FBF1: variants seen among roughly 807,000 people sequenced by gnomAD.
FBF1 encodes Fas binding factor 1.
A neutral mutation model predicts 147.2 loss-of-function variants in FBF1; 119 were observed. The observed-to-expected ratio is 0.81, with a 90% CI of 0.70 to 0.94. The LOEUF is 0.94. FBF1 is among the 40% of genes least tolerant of loss of function. The probability of loss-of-function intolerance (pLI) is 0.00; values close to 1 mark genes in which losing one functional copy is unlikely to be tolerated. For missense variants in FBF1, 1,449 were observed against 1,500.8 expected (o/e 0.97, Z 0.57); for synonymous variants, 601 against 609.0 (o/e 0.99, Z 0.19).
chr17:75,940,106 C>G (rs1414355053), intron 1 of FBF1, among the ~76,000 whole-genome samples: 1 of 152,004 alleles, frequency 6.6e-6, no homozygotes, highest in Non-Finnish European at 1.5e-5. Context: ...CCACCATGCC[C>G]GGTTAATTTT....
In FBF1 at chr17:75,913,916, G is replaced by C. The variant is rs779806594; in HGVS notation, c.3126C>G (p.His1042Gln). The C allele has an allele frequency of 5.7e-5, 88 of 1,546,542 alleles. 1 individual carries two copies. In the South Asian group the frequency reaches 9.8e-4, roughly 17 times the overall value. The change falls in exon 27 of 30, where the codon CAC becomes CAG. Residue 1042 changes from histidine to glutamine, a missense_variant. Transcript: ENST00000636174. ...CCATACACTCAGGGAGCCTTGCCTGGTGCATGTGCTGCTCCTGCTTCCGCA... is the reference window on the plus strand; with the variant it reads ...CCATACACTCAGGGAGCCTTGCCTGCTGCATGTGCTGCTCCTGCTTCCGCA... ...ERLRKQEQHM[H>Q]QEHLSLAQQR...
chr17:75,919,718 GGCC>G lies in FBF1; in HGVS notation c.2085_2087del (p.Ala696del), dbSNP rs759712576. 1.2e-6 allele frequency: 2 copies of G among 1,612,800 alleles called. No homozygotes were observed. The highest frequency in any genetic ancestry group is 1.1e-5 in the South Asian group (1 of 91,044). ...TTTCCTGGTCCTTCTCCTGCGCTAT[GGCC>G]GCCAAGCGCCGCTGGTGCTGGGCCG... On this transcript the variant is annotated inframe_deletion, in exon 20 of 30. Transcript: ENST00000636174. This position sits in a 1 kb window ranked among gnomAD's most constrained non-coding sequence, Gnocchi z 5.0.
rs1388642168 is a variant in FBF1, at chr17:75,932,983, C to T, written c.167+12G>A. 2 of 1,585,516 alleles carry T rather than the reference C, an allele frequency of 1.3e-6. No homozygotes were observed. The highest frequency in any genetic ancestry group is 1.7e-6 in the Non-Finnish European group (2 of 1,157,946). On this transcript the variant is annotated intron_variant, in intron 5 of 29. Transcript: ENST00000636174. ...AGTAGGTCATGGATACCCAGTCGGA[C>T]CCTGCCCTTACTTTGTTCTCGCCTT...
chr17:75,937,174 A>AT (rs879519217), intron 3 of FBF1, among the ~76,000 whole-genome samples: 3,171 of 143,984 alleles, frequency 0.022, 116 homozygotes, highest in African/African-American at 0.072. Flanking sequence ...GATCAAAAAC[A>AT]TTTTTTTTTT....
At position 75,910,543 on chromosome 17, in the gene FBF1, G is replaced by T; in HGVS notation, c.*180C>A. 1.7e-6 allele frequency: 1 copy of T among 599,466 alleles called. No individual in the cohort carries two copies. 37.1% of individuals were successfully genotyped at this position (599,466 alleles called of 1,614,324 possible). A position where few individuals can be genotyped will look rare whatever the true frequency, so the allele number is the denominator to read the frequency against. On this transcript the variant is annotated 3_prime_UTR_variant, in exon 30 of 30. Coordinates refer to ENST00000636174, the MANE Select transcript of FBF1 (RefSeq NM_001319193.2). The surrounding 1 kb of genome is among the most constrained non-coding windows in gnomAD (Gnocchi z 4.1). ...CTACACCACAGAGCCCCAGAGGCAG[G>T]GGCTGCCCCGGGCTGGCACATTTGG...
At position 75,920,060 on chromosome 17, in the gene FBF1, C is replaced by T. The variant is rs200468077; in HGVS notation, c.1878G>A (p.Gly626=). 5,595 of 1,600,108 alleles carry T rather than the reference C, an allele frequency of 3.5e-3. 25 individuals carry two copies. The highest frequency in any genetic ancestry group is 4.5e-3 in the Non-Finnish European group (5,255 of 1,173,930). The change falls in exon 19 of 30, where the codon GGG becomes GGA. Residue 626 remains glycine, a synonymous_variant. Transcript: ENST00000636174. ...CTGCCTGGTGCTGCTGCTGCAGACT[C>T]CCCAGCAGCAGCTCATGCTGGGCCC... ...LERAQHELLL[G]SLQQQHQADL... is the part of the protein sequence containing the mutation.
chr17:75,937,465 C>T lies in FBF1; in HGVS notation c.31+101G>A, dbSNP rs943693245. 3.9e-5 allele frequency: 55 copies of T among 1,423,416 alleles called. No individual in the cohort carries two copies. In the South Asian group the frequency reaches 4.9e-4, roughly 13 times the overall value. The allele number at this position is 1,423,416 out of a possible 1,614,324, so 88.2% of individuals were successfully genotyped here. On this transcript the variant is annotated intron_variant, in intron 3 of 29. Coordinates refer to ENST00000636174, the MANE Select transcript of FBF1 (RefSeq NM_001319193.2). ...GATTACAGGTGTGAGCCACCGTGCCCGGCCCAAAAACATTTAAATAAACAC... is the reference window on the plus strand; with the variant it reads ...GATTACAGGTGTGAGCCACCGTGCCTGGCCCAAAAACATTTAAATAAACAC...
At chr17:75,931,938 A>G (rs1441348818) in intron 5 of FBF1, among the ~76,000 whole-genome samples, 1 of 152,228 alleles carries the variant, frequency 6.6e-6, no homozygotes, top group African/African-American at 2.4e-5. Flanking sequence ...GATCTAGGCC[A>G]ATCCTTTAAT....
intron 1 of FBF1, among the ~76,000 whole-genome samples, chr17:75,940,233 G>A (rs1460781365): frequency 6.8e-6 from 1 of 148,054 alleles, no homozygotes; most frequent in African/African-American, 2.5e-5. Flanking sequence ...GAGCCACCAC[G>A]CCTGGCCTTC....
Position 75,913,774 on chromosome 17 carries a change from G to A in FBF1, c.3175C>T (p.Arg1059Ter), listed in dbSNP as rs1414757080. Residue 1059 changes from arginine (R) to a stop codon, truncating the protein, a stop_gained, in exon 28 of 30, where the codon CGA (arginine) becomes TGA (stop). Coordinates refer to ENST00000636174, the MANE Select transcript of FBF1 (RefSeq NM_001319193.2). LOFTEE classifies it high-confidence loss of function. Reference protein sequence around the residue: ...AQQRLQLDRARQDLPSSLVGL... With the variant: ...AQQRLQLDRA Reference sequence around the variant, plus strand: ...ACGAGGCTAGAGGGCAGGTCCTGTCGTGCGCGGTCCAGTTGCAGCCTCTGC... The same window carrying A: ...ACGAGGCTAGAGGGCAGGTCCTGTCATGCGCGGTCCAGTTGCAGCCTCTGC... 2 of 1,605,424 alleles carry A rather than the reference G, an allele frequency of 1.2e-6. No individual in the cohort carries two copies. The highest frequency in any genetic ancestry group is 1.7e-6 in the Non-Finnish European group (2 of 1,179,408).
rs1433077941 is a variant in FBF1 at position 75,918,322 on chromosome 17, G to A, written c.2139-53C>T. On this transcript the variant is annotated intron_variant, in intron 20 of 29. Coordinates refer to ENST00000636174, the MANE Select transcript of FBF1 (RefSeq NM_001319193.2). This position sits in a 1 kb window ranked among gnomAD's most constrained non-coding sequence, Gnocchi z 5.8. ...TCACTCTGAGCTGGATCACCCTGAT[G>A]CGGTAACTCCTTGTGGAAGGGTGTG... The A allele has an allele frequency of 1.4e-6, 2 of 1,460,582 alleles. No individual in the cohort carries two copies. The highest frequency in any genetic ancestry group is 2.8e-5 in the African/African-American group (2 of 71,836). 90.5% of individuals were successfully genotyped at this position (1,460,582 alleles called of 1,614,324 possible).
Position 75,923,474 on chromosome 17 carries a change from T to C in FBF1, c.1136A>G (p.His379Arg), listed in dbSNP as rs766649912. ...LFPASPTREA[H>R]RESSVPVTPS... is the part of the protein sequence containing the mutation. ...CGTGACAGGCACTGAACTTTCCCGA[T>C]GGGCCTCTCTGGTGGGTGAGGCAGG... Residue 379 changes from histidine to arginine, a missense_variant, in exon 14 of 30, where the codon CAT (histidine) becomes CGT (arginine). Physicochemically the swap from His to Arg is conservative, Grantham distance 29 (BLOSUM62 0). Transcript: ENST00000636174. The surrounding 1 kb of genome is among the most constrained non-coding windows in gnomAD (Gnocchi z 4.1). 4 of 1,608,636 alleles carry C rather than the reference T, an allele frequency of 2.5e-6. No individual in the cohort carries two copies. The highest frequency in any genetic ancestry group is 3.4e-5 in the Admixed American group (2 of 59,308).
At chr17:75,937,677 C>G in intron 2 of FBF1, 84 bp from the exon 3 acceptor site, 1 of 1,464,130 alleles carries the variant, frequency 6.8e-7, no homozygotes, top group South Asian at 1.1e-5. Flanking sequence ...AATTGCGTTG[C>G]CTTTTGCCAA....
At chr17:75,914,968 C>T (rs982955162) in intron 24 of FBF1, 36 bp from the exon 25 acceptor site, 2 of 1,611,782 alleles carry the variant, frequency 1.2e-6, no homozygotes, top group African/African-American at 2.7e-5. Flanking sequence ...GGTGAGTGTC[C>T]CTGGGCATAA....
intron 17 of FBF1, 117 bp downstream of exon 17, chr17:75,921,127 T>C (rs2065523450): frequency 1.9e-6 from 2 of 1,062,482 alleles, no homozygotes; most frequent in Admixed American, 2.2e-5. Flanking sequence ...ACGTCACATT[T>C]GGTATGTTTG....
chr17:75,917,835 A>G lies in FBF1; in HGVS notation c.2402T>C (p.Leu801Pro). The part of the protein sequence containing the change: ...DEQLRALQER[L>P]GQQQRDMEEE... ...CTCCATGTCCCGCTGCTGCTGGCCC[A>G]GCCGCTCCTGCAGTGCTGGGGGCAA... Residue 801 changes from leucine (L) to proline (P), a missense_variant, in exon 23 of 30, where the codon CTG becomes CCG. By Grantham distance (98) the Leu-to-Pro change is moderately conservative. Transcript: ENST00000636174. The G allele has an allele frequency of 6.2e-7, 1 of 1,606,748 alleles. No homozygotes were observed. Among genetic ancestry groups the G allele is most frequent in the African/African-American group, 1.3e-5 (1 of 74,868 alleles).
At chr17:75,937,627 CCAAA>C in intron 2 of FBF1, 34 bp from the exon 3 acceptor site, 1 of 1,613,240 alleles carries the variant, frequency 6.2e-7, no homozygotes, top group Non-Finnish European at 8.5e-7. Context: ...ATCAAGAAAA[CCAAA>C]CAGTGAACAC....
At chr17:75,924,475 T>C (rs568070534) in intron 13 of FBF1, among the ~76,000 whole-genome samples, 1 of 152,308 alleles carries the variant, frequency 6.6e-6, no homozygotes, top group African/African-American at 2.4e-5. Flanking sequence ...TTCTTACAAC[T>C]TCTGAAGTTT....
At position 75,926,815 on chromosome 17, in the gene FBF1, G is replaced by A. The variant is rs758587575; in HGVS notation, c.538C>T (p.Pro180Ser). ...YDEGGITKQP[P>S]VTQSKTASDK... Reference sequence around the variant, plus strand: ...GAAGCTGTTTTACTCTGTGTCACAGGCGGCTGCTTGGTGATTCCTCCTTCA... The same window carrying A: ...GAAGCTGTTTTACTCTGTGTCACAGACGGCTGCTTGGTGATTCCTCCTTCA... Residue 180 changes from proline to serine, a missense_variant, in exon 10 of 30, where the codon CCT becomes TCT. Physicochemically the swap from Pro to Ser is moderately conservative, Grantham distance 74. Coordinates refer to ENST00000636174, the MANE Select transcript of FBF1 (RefSeq NM_001319193.2). 3 of 1,613,900 alleles carry A rather than the reference G, an allele frequency of 1.9e-6. No homozygotes were observed. The highest frequency in any genetic ancestry group is 4.5e-5 in the East Asian group (2 of 44,886).
Sources: gnomAD v4.1 joint callset for allele counts (sites outside exome capture counted in the v4.1 genomes callset) on GRCh38, gnomAD v4.1.1 for gene constraint, Gnocchi (gnomAD v3.1) non-coding constraint, MANE v1.5 for transcripts, NCBI Gene and HGNC (gene_info 2026-07-23, HGNC 2026-07-21) for gene names.